The following POLDIP3 variants were observed in gnomAD, a reference collection of about 807,000 sequenced individuals.
POLDIP3 encodes DNA polymerase delta interacting protein 3, also known as polymerase delta-interacting protein 3.
Under a neutral mutation model 45.1 loss-of-function variants are expected in POLDIP3, and 14 were observed. The ratio of observed to expected loss-of-function variants is 0.31; its 90% CI spans 0.20 to 0.49. POLDIP3 has a LOEUF of 0.49. Ranked by LOEUF, POLDIP3 falls within the 20% of genes least tolerant of loss-of-function variation. The pLI is 0.99. For missense variants in POLDIP3, 511 were observed against 538.8 expected, an observed-to-expected ratio of 0.95 and a Z score of 0.51; for synonymous variants, 223 against 205.2, an observed-to-expected ratio of 1.09 and a Z score of -0.74.
intron 1 of POLDIP3, among the ~76,000 whole-genome samples, chr22:42,607,160 G>A (rs1038813881): frequency 7.2e-5 from 11 of 152,228 alleles, no homozygotes; most frequent in Admixed American, 3.9e-4. Flanking sequence ...CTCTGATGCC[G>A]AGCCGAGGCT....
intron 1 of POLDIP3, among the ~76,000 whole-genome samples, chr22:42,611,051 T>C (rs1465995426): frequency 6.6e-6 from 1 of 152,252 alleles, no homozygotes; most frequent in Non-Finnish European, 1.5e-5. Context: ...CACCTCACCA[T>C]GGAGGAAGGT....
chr22:42,599,907 A>C, intron 3 of POLDIP3, 114 bp from the exon 4 acceptor site: 1 of 737,206 alleles, frequency 1.4e-6, no homozygotes, highest in Middle Eastern at 3.3e-4. Context: ...GACCAAGGAG[A>C]AGTGGGCACA....
At chr22:42,590,119 T>C (rs1476570271) in intron 7 of POLDIP3, among the ~76,000 whole-genome samples, 4 of 152,144 alleles carry the variant, frequency 2.6e-5, no homozygotes, top group Non-Finnish European at 5.9e-5. Context: ...TAATTCAAGA[T>C]GAATGAAAAT....
intron 6 of POLDIP3, among the ~76,000 whole-genome samples, chr22:42,593,785 C>G (rs1925815972): frequency 6.6e-6 from 1 of 152,118 alleles, no homozygotes; most frequent in African/African-American, 2.4e-5. Context: ...TCCCAAAGTG[C>G]TGGGATTACA....
At chr22:42,591,848 G>A (rs1307736823) in intron 7 of POLDIP3, 107 bp downstream of exon 7, 2 of 1,460,690 alleles carry the variant, frequency 1.4e-6, no homozygotes, top group African/African-American at 2.8e-5. Context: ...CGAGGCCCCA[G>A]AGATGGGTTC....
At chr22:42,605,717 C>T (rs900671562) in intron 1 of POLDIP3, among the ~76,000 whole-genome samples, 7 of 151,976 alleles carry the variant, frequency 4.6e-5, no homozygotes, top group East Asian at 1.9e-4. Context: ...TCGGCATGCA[C>T]GATTAGAAAG....
chr22:42,607,162 G>C (rs185536385), intron 1 of POLDIP3, among the ~76,000 whole-genome samples: 1,546 of 152,270 alleles, frequency 0.01, 19 homozygotes, highest in Middle Eastern at 0.02. Flanking sequence ...CTGATGCCGA[G>C]CCGAGGCTGG....
At chr22:42,600,101 T>C (rs1926256606) in intron 3 of POLDIP3, among the ~76,000 whole-genome samples, 2 of 152,198 alleles carry the variant, frequency 1.3e-5, no homozygotes, top group Admixed American at 1.3e-4. Flanking sequence ...AGTCCATCCT[T>C]GTTAATATGA....
chr22:42,605,117 C>CT lies in POLDIP3; in HGVS notation c.60-1958dup, dbSNP rs1182604055. Among the ~76,000 whole-genome samples the CT allele has an allele frequency of 2.6e-5, 4 of 152,182 alleles. No homozygotes were observed. The East Asian group carries it at 5.8e-4, about 22-fold the overall frequency. ...CAGACTCTCTGTGACAAGGAAGTTTCTTTTCTTCAGTTTTGTTTTGTTTTG... is the reference window on the plus strand; with the variant it reads ...CAGACTCTCTGTGACAAGGAAGTTTCTTTTTCTTCAGTTTTGTTTTGTTTTG... On this transcript the variant is annotated intron_variant, in intron 1 of 8. Transcript: ENST00000252115.
At chr22:42,600,516 C>G (rs909125546) in intron 3 of POLDIP3, among the ~76,000 whole-genome samples, 2 of 152,026 alleles carry the variant, frequency 1.3e-5, no homozygotes, top group Non-Finnish European at 2.9e-5. Flanking sequence ...GTCCCAGCTA[C>G]TCGGGAGGCT....
chr22:42,614,680 G>A (rs562739264), intron 1 of POLDIP3, 119 bp downstream of exon 1: 2 of 1,127,656 alleles, frequency 1.8e-6, no homozygotes, highest in Admixed American at 2.0e-5. Context: ...GAGGAGCGCG[G>A]CTGTGGTCGG....
chr22:42,590,907 A>C (rs1252173380), intron 7 of POLDIP3, among the ~76,000 whole-genome samples: 3 of 152,006 alleles, frequency 2.0e-5, no homozygotes, highest in Non-Finnish European at 4.4e-5. Context: ...CCCTATCTCT[A>C]CTAAAAATAC....
At chr22:42,600,916 C>A (rs1227736952) in intron 3 of POLDIP3, among the ~76,000 whole-genome samples, 1 of 151,910 alleles carries the variant, frequency 6.6e-6, no homozygotes, top group East Asian at 1.9e-4. Context: ...CCAGCCTGGG[C>A]AACATGACAA....
intron 4 of POLDIP3, among the ~76,000 whole-genome samples, chr22:42,599,403 A>G (rs1235670093): frequency 6.6e-6 from 1 of 152,254 alleles, no homozygotes; most frequent in Non-Finnish European, 1.5e-5. Context: ...CAGGAGTTTG[A>G]GACCAGCCTG....
chr22:42,585,089 T>C lies in POLDIP3; in HGVS notation c.*702A>G. The C allele has an allele frequency of 2.3e-6, 1 of 442,594 alleles. No individual in the cohort carries two copies. The highest frequency in any genetic ancestry group is 2.5e-5 in the Admixed American group (1 of 39,760). 27.4% of individuals were successfully genotyped at this position (442,594 alleles called of 1,614,324 possible). A position where few individuals can be genotyped will look rare whatever the true frequency, so the allele number is the denominator to read the frequency against. On this transcript the variant is annotated 3_prime_UTR_variant, in exon 9 of 9. Coordinates refer to ENST00000252115, the MANE Select transcript of POLDIP3 (RefSeq NM_032311.5). ...GCTGGGGTGGGGCATTCAGCACAAC[T>C]CAAGGAAAAGGGAAAGGTGAACTCT...
chr22:42,608,210 A>C (rs1416349870), intron 1 of POLDIP3, among the ~76,000 whole-genome samples: 3 of 152,058 alleles, frequency 2.0e-5, no homozygotes, highest in African/African-American at 7.3e-5. Flanking sequence ...TTCTGTACTA[A>C]GAAAAATTCT....
chr22:42,605,189 G>A (rs909983044), intron 1 of POLDIP3, among the ~76,000 whole-genome samples: 4 of 152,182 alleles, frequency 2.6e-5, no homozygotes, highest in African/African-American at 7.2e-5. Context: ...GTGCAGTGGC[G>A]CAATCTTGGC....
At position 42,595,567 on chromosome 22, in the gene POLDIP3, C is replaced by T. The variant is rs1925934469; in HGVS notation, c.861G>A (p.Leu287=). ...LEGTKMTVNN[L]HPRVTEEDIV... is the part of the protein sequence containing the mutation. ...TGTCCTCCTCAGTGACTCGAGGGTGCAGATTATTCACAGTCATCTTGGTGC... is the reference window on the plus strand; with the variant it reads ...TGTCCTCCTCAGTGACTCGAGGGTGTAGATTATTCACAGTCATCTTGGTGC... Residue 287 remains leucine (L), a synonymous_variant, in exon 6 of 9, where the codon CTG becomes CTA. Coordinates refer to ENST00000252115, the MANE Select transcript of POLDIP3 (RefSeq NM_032311.5). 1.9e-6 allele frequency: 3 copies of T among 1,613,942 alleles called. No homozygotes were observed. Among genetic ancestry groups the T allele is most frequent in the Non-Finnish European group, 2.5e-6 (3 of 1,179,974 alleles).
At position 42,584,647 on chromosome 22, in the gene POLDIP3, G is replaced by C; in HGVS notation, c.*1144C>G. ...CTGAAGTTTCGTCCCAACTGTCTGC[G>C]CCTATGCTGGGGAAACACCTTGCCT... On this transcript the variant is annotated 3_prime_UTR_variant, in exon 9 of 9. Coordinates refer to ENST00000252115, the MANE Select transcript of POLDIP3 (RefSeq NM_032311.5). 2.9e-6 allele frequency: 1 copy of C among 343,842 alleles called. No homozygotes were observed. The highest frequency in any genetic ancestry group is 5.7e-6 in the Non-Finnish European group (1 of 176,194). The allele number at this position is 343,842 out of a possible 1,614,324, so 21.3% of individuals were successfully genotyped here.
Sources: gnomAD v4.1 joint callset for allele counts (sites outside exome capture counted in the v4.1 genomes callset) on GRCh38, gnomAD v4.1.1 for gene constraint, MANE v1.5 for transcripts, NCBI Gene and HGNC (gene_info 2026-07-23, HGNC 2026-07-21) for gene names.